Variants in BBS2 observed in about 807,000 individuals in gnomAD.
The protein encoded by BBS2 is Bardet-Biedl syndrome 2, also known as BBSome complex member BBS2.
In BBS2, 62 loss-of-function variants were observed where a neutral mutation model predicts 83.0. The ratio of observed to expected loss-of-function variants is 0.75; its 90% CI spans 0.61 to 0.92. BBS2 has a LOEUF of 0.92. BBS2 is among the 40% of genes least tolerant of loss of function. The pLI is 0.00. For missense variants in BBS2, 784 were observed against 901.0 expected (o/e 0.87, Z 1.66); for synonymous variants, 303 against 326.1 (o/e 0.93, Z 0.76).
At chr16:56,518,638 T>C (rs1383327147) in intron 1 of BBS2, among the ~76,000 whole-genome samples, 1 of 107,982 alleles carries the variant, frequency 9.3e-6, no homozygotes, top group Non-Finnish European at 2.3e-5. Context: ...ACAACGACGC[T>C]GAGATGACTC....
At chr16:56,494,218 T>G (rs1214709927) in intron 15 of BBS2, among the ~76,000 whole-genome samples, 1 of 141,118 alleles carries the variant, frequency 7.1e-6, no homozygotes, top group African/African-American at 2.7e-5. Context: ...TCCTCCCACC[T>G]CAGCATCGCA....
chr16:56,502,238 C>G, intron 9 of BBS2, 79 bp downstream of exon 9: 1 of 1,589,370 alleles, frequency 6.3e-7, no homozygotes, highest in South Asian at 1.1e-5. Flanking sequence ...CACTCTCATT[C>G]TTCCATATTT....
At chr16:56,489,692 C>A (rs1180937939) in intron 15 of BBS2, among the ~76,000 whole-genome samples, 1 of 151,994 alleles carries the variant, frequency 6.6e-6, no homozygotes, top group East Asian at 1.9e-4. Flanking sequence ...CCCAGCTACT[C>A]GGGAGGCTGA....
intron 13 of BBS2, 103 bp downstream of exon 13, chr16:56,498,334 T>C: frequency 6.8e-7 from 1 of 1,463,552 alleles, no homozygotes; most frequent in Non-Finnish European, 9.4e-7. Flanking sequence ...GACTGAATGG[T>C]AAACACCACA....
intron 17 of BBS2, chr16:56,477,658 GT>G (rs1275327845): frequency 1.3e-5 from 2 of 152,190 alleles, no homozygotes; most frequent in African/African-American, 4.8e-5. Flanking sequence ...ATAATTACCT[GT>G]GTGTGGGTAT....
At chr16:56,511,108 T>C in intron 3 of BBS2, 51 bp downstream of exon 3, 1 of 1,611,672 alleles carries the variant, frequency 6.2e-7, no homozygotes, top group South Asian at 1.1e-5. Context: ...AAAAGAACAT[T>C]AAAAGTAAAA....
chr16:56,471,015 A>G (rs1438709757), intron 17 of BBS2, among the ~76,000 whole-genome samples: 1 of 152,144 alleles, frequency 6.6e-6, no homozygotes, highest in African/African-American at 2.4e-5. Flanking sequence ...TCAAGTAATG[A>G]TAAGTGCTAT....
exon 18 of BBS2, chr16:56,470,580 CA>C: frequency 6.2e-7 from 1 of 1,614,120 alleles, no homozygotes; most frequent in Non-Finnish European, 8.5e-7. Flanking sequence ...TGCTGCTCTC[CA>C]ACTTCACAGG....
At chr16:56,497,532 G>C in intron 14 of BBS2, 1 of 625,116 alleles carries the variant, frequency 1.6e-6, no homozygotes, top group South Asian at 2.0e-5. Context: ...ACCAAACAAA[G>C]CAAGCATGGT....
chr16:56,515,623 C>G (rs1964716819), intron 1 of BBS2, among the ~76,000 whole-genome samples: 1 of 152,186 alleles, frequency 6.6e-6, no homozygotes, highest in South Asian at 2.1e-4. Context: ...AGTATTTCAT[C>G]TCTTTCACAT....
At chr16:56,494,346 T>C (rs1338198999) in intron 15 of BBS2, among the ~76,000 whole-genome samples, 1 of 151,820 alleles carries the variant, frequency 6.6e-6, no homozygotes, top group African/African-American at 2.4e-5. Context: ...ATCTGAATGG[T>C]AAATAGTATG....
intron 11 of BBS2, chr16:56,500,361 CA>C (rs1360447807): frequency 3.5e-5 from 9 of 253,910 alleles, no homozygotes; most frequent in Non-Finnish European, 6.9e-5. Context: ...CGTGGTGGCT[CA>C]TGCCTGTAAT....
intron 7 of BBS2, among the ~76,000 whole-genome samples, chr16:56,503,802 C>G (rs1012081711): frequency 6.6e-6 from 1 of 151,978 alleles, no homozygotes; most frequent in Admixed American, 6.6e-5. Context: ...ACCTGTAGTC[C>G]CAGCTACTAG....
At position 56,484,676 on chromosome 16, in the gene BBS2, C is replaced by T; in HGVS notation, c.*85G>A. 1 of 1,154,530 alleles carries T rather than the reference C, an allele frequency of 8.7e-7. No homozygotes were observed. Among genetic ancestry groups the T allele is most frequent in the Non-Finnish European group, 1.3e-6 (1 of 774,742 alleles). 71.5% of individuals were successfully genotyped at this position (1,154,530 alleles called of 1,614,324 possible). On this transcript the variant is annotated 3_prime_UTR_variant, in exon 17 of 17. Transcript: ENST00000245157. ...ATTTTCATTCTTAGCACCCGGGGTT[C>T]ACCAGGGTGTGATCCAAAGCAAACC...
chr16:56,511,732 C>T (rs1396310856), intron 2 of BBS2, among the ~76,000 whole-genome samples: 2 of 152,140 alleles, frequency 1.3e-5, no homozygotes, highest in Admixed American at 6.5e-5. Flanking sequence ...GGTTCTGTTT[C>T]TCTGGAGAAC....
At chr16:56,519,196 T>G (rs1964840495) in intron 1 of BBS2, among the ~76,000 whole-genome samples, 1 of 151,550 alleles carries the variant, frequency 6.6e-6, no homozygotes, top group Admixed American at 6.6e-5. Flanking sequence ...CCAGGCGTGG[T>G]GGCGGGCGCC....
intron 17 of BBS2, chr16:56,476,029 ATT>A (rs1235905085): frequency 2.5e-6 from 4 of 1,604,646 alleles, no homozygotes; most frequent in Non-Finnish European, 3.4e-6. Context: ...GTGTCACTGT[ATT>A]TGTCTTTTTC....
chr16:56,501,917 G>C (rs1035963699), intron 9 of BBS2: 10 of 357,796 alleles, frequency 2.8e-5, no homozygotes, highest in African/African-American at 2.1e-4. Flanking sequence ...TTTTGAAAAA[G>C]ATAAAAGACA....
chr16:56,494,125 A>ATTTTTT (rs774708101), intron 15 of BBS2, among the ~76,000 whole-genome samples: 2 of 120,150 alleles, frequency 1.7e-5, no homozygotes, highest in African/African-American at 3.3e-5. Context: ...TGCCCAGCTA[A>ATTTTTT]TTTTTTTTTT....
Sources: allele counts gnomAD v4.1 joint callset (sites outside exome capture counted in the v4.1 genomes callset), GRCh38; gene constraint gnomAD v4.1.1; transcripts MANE v1.5; gene names NCBI Gene and HGNC (gene_info 2026-07-23, HGNC 2026-07-21).